THSD7A: variants seen among roughly 807,000 people sequenced by gnomAD.
The protein encoded by THSD7A is thrombospondin type 1 domain containing 7A.
THSD7A carries 96 observed loss-of-function variants against 231.3 expected under a neutral mutation model. That is an observed-to-expected ratio of 0.41 (90% confidence interval 0.35 to 0.49). The LOEUF is 0.49. THSD7A is among the 20% of genes least tolerant of loss of function. The pLI is 0.05. For missense variants in THSD7A, 2,290 were observed against 2,070.2 expected (o/e 1.11, Z -2.06); for synonymous variants, 940 against 743.3 (o/e 1.26, Z -4.30).
At chr7:11,454,812 A>C (rs550332946) in intron 11 of THSD7A, among the ~76,000 whole-genome samples, 2 of 152,154 alleles carry the variant, frequency 1.3e-5, no homozygotes, top group South Asian at 2.1e-4. Flanking sequence ...TTATATTCAG[A>C]AAGTTTGGAT....
rs980523542 is a variant in THSD7A at position 11,543,103 on chromosome 7, C to T, written c.1468G>A (p.Asp490Asn). 1.9e-6 allele frequency: 3 copies of T among 1,610,766 alleles called. No individual in the cohort carries two copies. The highest frequency in any genetic ancestry group is 1.7e-6 in the Non-Finnish European group (2 of 1,178,552). ...ATAGGTCCAGTGCATAATTTTAAGT[C>T]CATTGGCTTTGAGGCTAGAGAAAAA... ...HKNKEASKPMDLKLCTGPIPN... is the reference protein window; with the variant it reads ...HKNKEASKPMNLKLCTGPIPN... Residue 490 changes from aspartate to asparagine, a missense_variant, in exon 5 of 28, where the codon GAC (aspartate) becomes AAC (asparagine). Transcript: ENST00000423059.
intron 1 of THSD7A, among the ~76,000 whole-genome samples, chr7:11,775,386 G>C (rs551372321): frequency 1.3e-5 from 2 of 152,126 alleles, no homozygotes; most frequent in Non-Finnish European, 2.9e-5. Flanking sequence ...TGAGCTATTT[G>C]TACACCCGCG....
chr7:11,406,839 T>C lies in THSD7A; in HGVS notation c.4062+71A>G. 6.5e-7 allele frequency: 1 copy of C among 1,530,258 alleles called. No homozygotes were observed. 94.8% of individuals were successfully genotyped at this position (1,530,258 alleles called of 1,614,324 possible). Reference sequence around the variant, plus strand: ...AAACATATTTCTAACACATTATTTTTATGTTTTTCTGCAGATGAAGTCTCT... The same window carrying C: ...AAACATATTTCTAACACATTATTTTCATGTTTTTCTGCAGATGAAGTCTCT... On this transcript the variant is annotated intron_variant, in intron 21 of 27. Coordinates refer to ENST00000423059, the MANE Select transcript of THSD7A (RefSeq NM_015204.3). The surrounding 1 kb of genome is among the most constrained non-coding windows in gnomAD (Gnocchi z 4.7).
chr7:11,727,125 G>T (rs750747606), intron 1 of THSD7A, among the ~76,000 whole-genome samples: 44 of 152,028 alleles, frequency 2.9e-4, no homozygotes, highest in Non-Finnish European at 5.4e-4. Flanking sequence ...CAGTGAAAAT[G>T]TAGGCTGTCA....
chr7:11,774,164 A>C (rs1783326251), intron 1 of THSD7A, among the ~76,000 whole-genome samples: 1 of 152,222 alleles, frequency 6.6e-6, no homozygotes, highest in South Asian at 2.1e-4. Flanking sequence ...TTAAGAAAAT[A>C]AGGAAATTCT....
At chr7:11,631,655 A>AG (rs1781658679) in intron 2 of THSD7A, among the ~76,000 whole-genome samples, 3 of 152,178 alleles carry the variant, frequency 2.0e-5, no homozygotes, top group Non-Finnish European at 4.4e-5. Flanking sequence ...AGGTTACAGC[A>AG]GAAAAAAAAA....
At chr7:11,398,224 A>C (rs1156361535) in intron 23 of THSD7A, among the ~76,000 whole-genome samples, 2 of 152,150 alleles carry the variant, frequency 1.3e-5, no homozygotes, top group Non-Finnish European at 2.9e-5. Context: ...GGATGAGTTC[A>C]TGTCCTTTGC....
chr7:11,782,755 C>T (rs1229374574), intron 1 of THSD7A, among the ~76,000 whole-genome samples: 1 of 152,098 alleles, frequency 6.6e-6, no homozygotes, highest in African/African-American at 2.4e-5. Flanking sequence ...TTCACTGTGG[C>T]ACCGTTGGCT....
chr7:11,481,490 A>C (rs1226399376), intron 7 of THSD7A, among the ~76,000 whole-genome samples: 1 of 152,182 alleles, frequency 6.6e-6, no homozygotes, highest in Non-Finnish European at 1.5e-5. Context: ...AGCCATTTTC[A>C]GACCTTCTTA....
At chr7:11,754,912 A>T (rs1004905993) in intron 1 of THSD7A, among the ~76,000 whole-genome samples, 2 of 152,098 alleles carry the variant, frequency 1.3e-5, no homozygotes, top group African/African-American at 4.8e-5. Flanking sequence ...TATATACATG[A>T]TCAGTGGTTC....
intron 1 of THSD7A, among the ~76,000 whole-genome samples, chr7:11,643,790 T>C (rs1782181945): frequency 6.6e-6 from 1 of 152,076 alleles, no homozygotes; most frequent in Non-Finnish European, 1.5e-5. Context: ...TCCAATATTA[T>C]AAAGAATGCT....
intron 6 of THSD7A, among the ~76,000 whole-genome samples, chr7:11,533,138 C>T (rs1003257790): frequency 1.2e-4 from 18 of 152,126 alleles, no homozygotes; most frequent in South Asian, 4.1e-4. Context: ...AAACTCAAAA[C>T]GTTTTAAGGG....
chr7:11,582,162 T>C (rs115703410), intron 4 of THSD7A, among the ~76,000 whole-genome samples: 4 of 152,008 alleles, frequency 2.6e-5, no homozygotes, highest in Non-Finnish European at 5.9e-5. Context: ...ATTAAATTGA[T>C]TAAATTTTAT....
At position 11,474,536 on chromosome 7, in the gene THSD7A, G is replaced by T. The variant is rs1786076931; in HGVS notation, c.2050C>A (p.Gln684Lys). 6.2e-7 allele frequency: 1 copy of T among 1,606,398 alleles called. No homozygotes were observed. Among genetic ancestry groups the T allele is most frequent in the Non-Finnish European group, 8.5e-7 (1 of 1,174,668 alleles). The change falls in exon 8 of 28, where the codon CAA (glutamine) becomes AAA (lysine). Residue 684 changes from glutamine to lysine, a missense_variant. Physicochemically the swap from Gln to Lys is moderately conservative, Grantham distance 53 (BLOSUM62 1). Transcript: ENST00000423059. The surrounding 1 kb of genome is among the most constrained non-coding windows in gnomAD (Gnocchi z 4.1). Reference protein sequence around the residue: ...GIRCPNSSALQEVRSCNEHPC... With the variant: ...GIRCPNSSALKEVRSCNEHPC... ...TGCTCATTACAGCTTCGTACTTCTTGCAAAGCACTGCTATTTGGACAGCGA... is the reference window on the plus strand; with the variant it reads ...TGCTCATTACAGCTTCGTACTTCTTTCAAAGCACTGCTATTTGGACAGCGA...
intron 1 of THSD7A, among the ~76,000 whole-genome samples, chr7:11,802,941 T>C (rs1283223911): frequency 6.6e-6 from 1 of 152,200 alleles, no homozygotes; most frequent in Non-Finnish European, 1.5e-5. Flanking sequence ...GGAAAGAATA[T>C]AGATACTAGT....
intron 1 of THSD7A, among the ~76,000 whole-genome samples, chr7:11,788,023 C>A (rs1224820006): frequency 1.3e-5 from 2 of 152,010 alleles, no homozygotes; most frequent in Admixed American, 1.3e-4. Flanking sequence ...ATATCCAAAA[C>A]CCAACTCACC....
At chr7:11,677,033 C>T (rs1390841031) in intron 1 of THSD7A, among the ~76,000 whole-genome samples, 1 of 152,100 alleles carries the variant, frequency 6.6e-6, no homozygotes, top group East Asian at 1.9e-4. Flanking sequence ...TTGGGTTACC[C>T]ACAAAAGGAA....
At chr7:11,751,459 T>C (rs937956888) in intron 1 of THSD7A, 7 of 152,042 alleles carry the variant, frequency 4.6e-5, no homozygotes, top group Non-Finnish European at 7.4e-5. Flanking sequence ...TCTTCCCCTT[T>C]AAATTTTCTG....
intron 4 of THSD7A, among the ~76,000 whole-genome samples, chr7:11,588,239 C>A (rs540795721): frequency 2.0e-4 from 30 of 152,238 alleles, no homozygotes; most frequent in African/African-American, 7.2e-4. Flanking sequence ...CGCATGTCAC[C>A]CCTGGGATGC....
Sources: allele counts gnomAD v4.1 joint callset (sites outside exome capture counted in the v4.1 genomes callset), GRCh38; gene constraint gnomAD v4.1.1; non-coding constraint Gnocchi (gnomAD v3.1); transcripts MANE v1.5; gene names NCBI Gene and HGNC (gene_info 2026-07-23, HGNC 2026-07-21).